The following ZFAT variants were observed in gnomAD, a reference collection of about 807,000 sequenced individuals.
The protein encoded by ZFAT is zinc finger protein ZFAT.
A neutral mutation model predicts 117.7 loss-of-function variants in ZFAT; 64 were observed. The ratio of observed to expected loss-of-function variants is 0.54; its 90% CI spans 0.44 to 0.67. ZFAT has a LOEUF of 0.67. ZFAT is among the 30% of genes least tolerant of loss of function. The pLI is 0.00. For missense variants in ZFAT, 1,433 were observed against 1,584.5 expected (o/e 0.90, Z 1.62); for synonymous variants, 679 against 615.0 (o/e 1.10, Z -1.54).
intron 1 of ZFAT, among the ~76,000 whole-genome samples, chr8:134,668,914 G>A (rs1421723691): frequency 6.6e-6 from 1 of 152,174 alleles, no homozygotes; most frequent in African/African-American, 2.4e-5. Flanking sequence ...TTAAATACCT[G>A]ATGGAGGTGA....
At position 134,512,215 on chromosome 8, in the gene ZFAT, G is replaced by T. The variant is rs996126500; in HGVS notation, c.3361+260C>A. ...TCCTCCCCTCACAAGGCGGTTCAGA[G>T]AATTAAATGTGGTAAGAGATGTGAG... On this transcript the variant is annotated intron_variant, in intron 14 of 15. Coordinates refer to ENST00000377838, the MANE Select transcript of ZFAT (RefSeq NM_020863.4). 1.4e-4 allele frequency among the ~76,000 whole-genome samples: 21 copies of T among 152,350 alleles called. 1 individual carries two copies. Among genetic ancestry groups the T allele is most frequent in the African/African-American group, 4.1e-4 (17 of 41,574 alleles).
At position 134,602,281 on chromosome 8, in the gene ZFAT, C is replaced by T. The variant is rs768202239; in HGVS notation, c.1438G>A (p.Val480Met). 6 of 1,613,918 alleles carry T rather than the reference C, an allele frequency of 3.7e-6. No homozygotes were observed. The highest frequency in any genetic ancestry group is 2.7e-5 in the African/African-American group (2 of 75,062). The change falls in exon 6 of 16, where the codon GTG becomes ATG. Residue 480 changes from valine to methionine, a missense_variant. Physicochemically the swap from Val to Met is conservative, Grantham distance 21. Coordinates refer to ENST00000377838, the MANE Select transcript of ZFAT (RefSeq NM_020863.4). ...AAGGCCTCCTGGGCAGCCCCGTGCACCTCTTTGATGTGGGTGCGCAGCCTG... is the reference window on the plus strand; with the variant it reads ...AAGGCCTCCTGGGCAGCCCCGTGCATCTCTTTGATGTGGGTGCGCAGCCTG... ...SIRLRTHIKE[V>M]HGAAQEALVF...
chr8:134,546,903 T>G (rs764544162), intron 11 of ZFAT, among the ~76,000 whole-genome samples: 3 of 152,228 alleles, frequency 2.0e-5, no homozygotes, highest in Non-Finnish European at 4.4e-5. Context: ...ACGCCTCAGT[T>G]AAAGGAACAG....
intron 3 of ZFAT, among the ~76,000 whole-genome samples, chr8:134,618,732 T>C (rs1368827314): frequency 6.6e-6 from 1 of 152,232 alleles, no homozygotes; most frequent in Non-Finnish European, 1.5e-5. Flanking sequence ...AAACAAAATA[T>C]CATTTCTGCA....
intron 10 of ZFAT, chr8:134,565,735 A>C: frequency 2.3e-6 from 1 of 429,178 alleles, no homozygotes; most frequent in East Asian, 5.3e-5. Flanking sequence ...AGAGAAGGGC[A>C]TCAAGGGAGA....
chr8:134,760,233 A>AAG, the ZFAT span, among the ~76,000 whole-genome samples: 1 of 150,200 alleles, frequency 6.7e-6, no homozygotes, highest in Non-Finnish European at 1.5e-5. Flanking sequence ...ATGCCACTGC[A>AAG]CTCCAGCCTG....
intron 13 of ZFAT, among the ~76,000 whole-genome samples, chr8:134,515,137 C>T (rs540657691): frequency 6.6e-6 from 1 of 152,296 alleles, no homozygotes; most frequent in East Asian, 1.9e-4. Context: ...AGGACATGAA[C>T]TCATCTTTTT....
chr8:134,650,127 C>A (rs528963266), intron 2 of ZFAT, among the ~76,000 whole-genome samples: 58 of 143,870 alleles, frequency 4.0e-4, no homozygotes, highest in East Asian at 1.6e-3. Flanking sequence ...TATTTTTTTT[C>A]TTTTTTTTTT....
At chr8:134,747,322 T>C in the ZFAT span, among the ~76,000 whole-genome samples, 1 of 152,174 alleles carries the variant, frequency 6.6e-6, no homozygotes, top group Non-Finnish European at 1.5e-5. Flanking sequence ...ACTCCTGGAC[T>C]CAAATGATCC....
chr8:134,530,438 C>G (rs1821323046), intron 12 of ZFAT, among the ~76,000 whole-genome samples: 1 of 152,156 alleles, frequency 6.6e-6, no homozygotes, highest in African/African-American at 2.4e-5. Context: ...CTCCTCTCTC[C>G]TAGACATAAG....
At position 134,666,062 on chromosome 8, in the gene ZFAT, C is replaced by T. The variant is rs542227627; in HGVS notation, c.20-8325G>A. 4.6e-5 allele frequency among the ~76,000 whole-genome samples: 7 copies of T among 152,320 alleles called. No individual in the cohort carries two copies. In the South Asian group the frequency reaches 1.5e-3, roughly 32 times the overall value. The stretch of plus-strand genomic sequence containing the variant: ...AGCCAAGACTTTCACCAGCATCCAG[C>T]AGTAATGAAGCTATCACTGTCCACT... On this transcript the variant is annotated intron_variant, in intron 1 of 15. Coordinates refer to ENST00000377838, the MANE Select transcript of ZFAT (RefSeq NM_020863.4).
intron 3 of ZFAT, among the ~76,000 whole-genome samples, chr8:134,629,578 A>T (rs931656064): frequency 5.3e-5 from 8 of 152,074 alleles, no homozygotes; most frequent in Admixed American, 3.9e-4. Flanking sequence ...TTTCCTCCTT[A>T]CTGTTCTCAT....
chr8:134,624,638 C>A (rs1055873988), intron 3 of ZFAT, among the ~76,000 whole-genome samples: 1 of 151,958 alleles, frequency 6.6e-6, no homozygotes, highest in African/African-American at 2.4e-5. Flanking sequence ...GTTTGGGCAA[C>A]AAGAGCAAAA....
chr8:134,513,689 T>C (rs899523002), intron 13 of ZFAT, among the ~76,000 whole-genome samples: 3 of 152,130 alleles, frequency 2.0e-5, no homozygotes, highest in African/African-American at 7.2e-5. Context: ...AGCAAAACTG[T>C]AAGGCTGGAT....
the ZFAT span, among the ~76,000 whole-genome samples, chr8:134,830,521 C>A: frequency 6.6e-6 from 1 of 152,162 alleles, no homozygotes; most frequent in Admixed American, 6.5e-5. Context: ...GAAAAAGCAC[C>A]CACATATCAG....
the ZFAT span, among the ~76,000 whole-genome samples, chr8:134,832,149 G>T: frequency 6.7e-6 from 1 of 150,342 alleles, no homozygotes; most frequent in Non-Finnish European, 1.5e-5. Context: ...GGGGCGGGGG[G>T]CAGGGGGCGC....
rs987681109 is a variant in ZFAT, at chr8:134,602,015, T to G, written c.1704A>C (p.Glu568Asp). 1.1e-5 allele frequency: 17 copies of G among 1,612,846 alleles called. No homozygotes were observed. The highest frequency in any genetic ancestry group is 1.2e-5 in the Non-Finnish European group (14 of 1,179,750). The change falls in exon 6 of 16, where the codon GAA becomes GAC. Residue 568 changes from glutamate (E) to aspartate (D), a missense_variant. Glu to Asp is a conservative substitution (Grantham distance 45). Transcript: ENST00000377838. Reference sequence around the variant, plus strand: ...GCTCACAGGGTGGCAGGGCTGTGCTTTCGGCCTGCGGGGAGGCCAGGTGCA... The same window carrying G: ...GCTCACAGGGTGGCAGGGCTGTGCTGTCGGCCTGCGGGGAGGCCAGGTGCA... ...PAVHLASPQAESTALPPCELE... is the reference protein window; with the variant it reads ...PAVHLASPQADSTALPPCELE...
intron 15 of ZFAT, among the ~76,000 whole-genome samples, chr8:134,486,104 T>C (rs1336343175): frequency 1.3e-5 from 2 of 152,196 alleles, no homozygotes; most frequent in African/African-American, 4.8e-5. Flanking sequence ...GAATTTAAAA[T>C]AAAACCCGTT....
At chr8:134,665,506 G>C (rs1420832116) in intron 1 of ZFAT, among the ~76,000 whole-genome samples, 5 of 152,266 alleles carry the variant, frequency 3.3e-5, no homozygotes, top group Non-Finnish European at 7.3e-5. Flanking sequence ...GGCAGGATGA[G>C]TGGAACAAGA....
Sources: gnomAD v4.1 joint callset for allele counts (sites outside exome capture counted in the v4.1 genomes callset) on GRCh38, gnomAD v4.1.1 for gene constraint, MANE v1.5 for transcripts, NCBI Gene and HGNC (gene_info 2026-07-23, HGNC 2026-07-21) for gene names.